CYP7A1: variants seen among roughly 807,000 people sequenced by gnomAD.
CYP7A1 encodes the protein cytochrome P450 family 7 subfamily A member 1.
Under a neutral mutation model 43.8 loss-of-function variants are expected in CYP7A1, and 28 were observed. The ratio of observed to expected loss-of-function variants is 0.64; its 90% confidence interval spans 0.47 to 0.88. CYP7A1 has a LOEUF of 0.88. Ranked by LOEUF, CYP7A1 falls within the 40% of genes least tolerant of loss-of-function variation. The pLI, the probability that CYP7A1 is intolerant of heterozygous loss-of-function variation, is 0.00. For missense variants in CYP7A1, 637 were observed against 611.9 expected (o/e 1.04, Z -0.43); for synonymous variants, 227 against 222.5 (o/e 1.02, Z -0.18).
rs756001088 is a variant in CYP7A1 at position 58,496,938 on chromosome 8, G to T, written c.574C>A (p.Leu192Ile). The change falls in exon 3 of 6, where the codon CTT (leucine) becomes ATT (isoleucine). Residue 192 changes from leucine (L) to isoleucine (I), a missense_variant. Physicochemically the swap from Leu to Ile is conservative, Grantham distance 5 (BLOSUM62 2). Transcript: ENST00000301645. ...AGYLTIFGRD[L>I]TRRDTQKAHI... ...GCTTTCTGTGTGTCCCGCCTTGTAAGATCTCTGCCAAAGATAGTTAAATAC... is the reference window on the plus strand; with the variant it reads ...GCTTTCTGTGTGTCCCGCCTTGTAATATCTCTGCCAAAGATAGTTAAATAC... 16 of 1,614,070 alleles carry T rather than the reference G, an allele frequency of 9.9e-6. No homozygotes were observed. The East Asian group carries it at 2.0e-4, about 20-fold the overall frequency.
rs74452173 is a variant in CYP7A1, at chr8:58,499,365, G to C, written c.80+654C>G. 5.3e-5 allele frequency among the ~76,000 whole-genome samples: 8 copies of C among 152,222 alleles called. No individual in the cohort carries two copies. In the East Asian group the frequency reaches 1.5e-3, roughly 29 times the overall value. On this transcript the variant is annotated intron_variant, in intron 1 of 5. Transcript: ENST00000301645. Reference sequence around the variant, plus strand: ...ATGCCTCCCCACAATTACTCCTTGAGCCAATTAGAAGTTAAATAAACTATG... The same window carrying C: ...ATGCCTCCCCACAATTACTCCTTGACCCAATTAGAAGTTAAATAAACTATG...
intron 2 of CYP7A1, 44 bp from the exon 3 acceptor site, chr8:58,497,234 C>T: frequency 1.3e-6 from 2 of 1,483,004 alleles, no homozygotes; most frequent in Non-Finnish European, 1.9e-6. Flanking sequence ...TAAACCTGAC[C>T]TAGTCATAGT....
intron 3 of CYP7A1, among the ~76,000 whole-genome samples, chr8:58,494,880 A>G (rs1350256622): frequency 2.0e-5 from 3 of 152,194 alleles, no homozygotes; most frequent in Non-Finnish European, 4.4e-5. Flanking sequence ...ACACGCCTGT[A>G]ATCCCAGCAC....
chr8:58,496,440 G>A (rs943094902), intron 3 of CYP7A1, among the ~76,000 whole-genome samples, 164 bp downstream of exon 3: 4 of 152,016 alleles, frequency 2.6e-5, no homozygotes, highest in Non-Finnish European at 4.4e-5. Flanking sequence ...GTTTTTCTGC[G>A]GACTGAATGA....
rs187984940 is a variant in CYP7A1, at chr8:58,496,723, G to C, written c.789C>G (p.Leu263=). The C allele has an allele frequency of 5.0e-6, 8 of 1,614,194 alleles. No homozygotes were observed. The highest frequency in any genetic ancestry group is 1.6e-4 in the Middle Eastern group (1 of 6,062). ...ISELISLRMF[L]NDTLSTFDDL... ...CATCAAAGGTGGACAAAGTGTCATT[G>C]AGAAACATGCGCAGGCTGATCAGTT... The change falls in exon 3 of 6, where the codon CTC becomes CTG. Residue 263 remains leucine (L), a synonymous_variant. Coordinates refer to ENST00000301645, the MANE Select transcript of CYP7A1 (RefSeq NM_000780.4).
rs1809410327 is a variant in CYP7A1 at position 58,494,633 on chromosome 8, G to T, written c.912C>A (p.Asn304Lys). Residue 304 changes from asparagine to lysine, a missense_variant, in exon 4 of 6, where the codon AAC (asparagine) becomes AAA (lysine). Coordinates refer to ENST00000301645, the MANE Select transcript of CYP7A1 (RefSeq NM_000780.4). ...TFWSLFQMIR[N>K]PEAMKAATEE... Reference sequence around the variant, plus strand: ...CAGTAGCTGCTTTCATTGCTTCTGGGTTCCTATTAAAAGGTAAGAGAAAAC... The same window carrying T: ...CAGTAGCTGCTTTCATTGCTTCTGGTTTCCTATTAAAAGGTAAGAGAAAAC... 1 of 1,613,644 alleles carries T rather than the reference G, an allele frequency of 6.2e-7. No individual in the cohort carries two copies. Among genetic ancestry groups the T allele is most frequent in the Admixed American group, 1.7e-5 (1 of 59,998 alleles).
At chr8:58,495,216 T>TC (rs75062140) in intron 3 of CYP7A1, among the ~76,000 whole-genome samples, 1 of 22,316 alleles carries the variant, frequency 4.5e-5, no homozygotes, top group East Asian at 2.4e-3. Flanking sequence ...TTATTTTATT[T>TC]TTATTTATTT....
rs1218489970 is a variant in CYP7A1 at position 58,490,662 on chromosome 8, A to T, written c.*813T>A. 1 of 152,254 alleles carries T rather than the reference A, an allele frequency of 6.6e-6. No homozygotes were observed. Among genetic ancestry groups the T allele is most frequent in the Non-Finnish European group, 1.5e-5 (1 of 68,044 alleles). 9.4% of individuals were successfully genotyped at this position (152,254 alleles called of 1,614,324 possible). A position where few individuals can be genotyped will look rare whatever the true frequency, so the allele number is the denominator to read the frequency against. On this transcript the variant is annotated 3_prime_UTR_variant, in exon 6 of 6. Transcript: ENST00000301645. ...AATAAAAATATAGAGAAGATAGTTAAAGCCGGACATAGAGTTTTCAGCAAC... is the reference window on the plus strand; with the variant it reads ...AATAAAAATATAGAGAAGATAGTTATAGCCGGACATAGAGTTTTCAGCAAC...
In CYP7A1 at chr8:58,498,361, A is replaced by T. The variant is rs113258453; in HGVS notation, c.189T>A (p.His63Gln). 1 of 1,614,164 alleles carries T rather than the reference A, an allele frequency of 6.2e-7. No individual in the cohort carries two copies. Residue 63 changes from histidine (H) to glutamine (Q), a missense_variant, in exon 2 of 6, where the codon CAT becomes CAA. Physicochemically the swap from His to Gln is conservative, Grantham distance 24. Coordinates refer to ENST00000301645, the MANE Select transcript of CYP7A1 (RefSeq NM_000780.4). ...TTAGTTTGCAGGTAAAAACATGACC[A>T]TGTTTCCTTTGATTTGCTCTGAGGA... ...LEFLRANQRK[H>Q]GHVFTCKLMG...
chr8:58,493,803 C>A (rs1037188931), intron 4 of CYP7A1, among the ~76,000 whole-genome samples: 1 of 152,080 alleles, frequency 6.6e-6, no homozygotes, highest in Non-Finnish European at 1.5e-5. Context: ...AGTTCGAGAC[C>A]AGTCTGGACA....
At chr8:58,499,472 C>A (rs114197205) in intron 1 of CYP7A1, among the ~76,000 whole-genome samples, 1 of 152,212 alleles carries the variant, frequency 6.6e-6, no homozygotes, top group Non-Finnish European at 1.5e-5. Context: ...ATACACTCAG[C>A]AAACTTTCCC....
chr8:58,494,680 T>G, intron 3 of CYP7A1, 44 bp from the exon 4 acceptor site: 2 of 1,597,856 alleles, frequency 1.3e-6, no homozygotes, highest in Non-Finnish European at 1.7e-6. Flanking sequence ...GAAAATAAAC[T>G]TTTTCCATAC....
chr8:58,496,943 C>G lies in CYP7A1; in HGVS notation c.569G>C (p.Arg190Thr). 1 of 1,614,170 alleles carries G rather than the reference C, an allele frequency of 6.2e-7. No homozygotes were observed. Among genetic ancestry groups the G allele is most frequent in the Non-Finnish European group, 8.5e-7 (1 of 1,180,028 alleles). Reference protein sequence around the residue: ...FEAGYLTIFGRDLTRRDTQKA... With the variant: ...FEAGYLTIFGTDLTRRDTQKA... ...CTGTGTGTCCCGCCTTGTAAGATCT[C>G]TGCCAAAGATAGTTAAATACCCAGC... Residue 190 changes from arginine (R) to threonine (T), a missense_variant, in exon 3 of 6, where the codon AGA becomes ACA. Arg to Thr is a moderately conservative substitution (Grantham distance 71). Transcript: ENST00000301645.
Position 58,491,251 on chromosome 8 carries a change from T to G in CYP7A1, c.*224A>C, listed in dbSNP as rs1809346059. Reference sequence around the variant, plus strand: ...TGGACTTATACAAATGAAAACAAATTATTGTGCTCCTAGAAACTAGTTCTT... The same window carrying G: ...TGGACTTATACAAATGAAAACAAATGATTGTGCTCCTAGAAACTAGTTCTT... On this transcript the variant is annotated 3_prime_UTR_variant, in exon 6 of 6. Transcript: ENST00000301645. 1.8e-6 allele frequency: 1 copy of G among 563,184 alleles called. No individual in the cohort carries two copies. The highest frequency in any genetic ancestry group is 2.9e-5 in the East Asian group (1 of 35,082). 34.9% of individuals were successfully genotyped at this position (563,184 alleles called of 1,614,324 possible).
At chr8:58,496,572 T>C (rs902658512) in intron 3 of CYP7A1, 32 bp downstream of exon 3, 12 of 1,557,038 alleles carry the variant, frequency 7.7e-6, no homozygotes, top group Non-Finnish European at 1.1e-5. Flanking sequence ...TCTACTAAAA[T>C]AAAAAAAAGA....
intron 2 of CYP7A1, 96 bp from the exon 3 acceptor site, chr8:58,497,286 C>T (rs768955384): frequency 1.1e-5 from 12 of 1,046,530 alleles, no homozygotes; most frequent in African/African-American, 3.1e-5. Context: ...TAGTTCCTTA[C>T]TTGGTAAACA....
intron 1 of CYP7A1, among the ~76,000 whole-genome samples, chr8:58,499,578 G>A (rs891275158): frequency 6.6e-6 from 1 of 152,154 alleles, no homozygotes; most frequent in Non-Finnish European, 1.5e-5. Flanking sequence ...GAGTCTATGC[G>A]ATGCACAAGA....
chr8:58,493,844 A>G (rs576657254), intron 4 of CYP7A1, among the ~76,000 whole-genome samples: 143 of 152,220 alleles, frequency 9.4e-4, no homozygotes, highest in Non-Finnish European at 1.7e-3. Context: ...TACTAAAAAT[A>G]CAAAAATTAG....
intron 4 of CYP7A1, among the ~76,000 whole-genome samples, chr8:58,493,227 CAA>C (rs1809380360): frequency 6.6e-6 from 1 of 152,078 alleles, no homozygotes; most frequent in African/African-American, 2.4e-5. Flanking sequence ...AGAAATTATT[CAA>C]AGTTTATCAC....
Sources: gnomAD v4.1 joint callset for allele counts (sites outside exome capture counted in the v4.1 genomes callset) on GRCh38, gnomAD v4.1.1 for gene constraint, MANE v1.5 for transcripts, NCBI Gene and HGNC (gene_info 2026-07-23, HGNC 2026-07-21) for gene names.